The following LRRTM4 variants were observed in gnomAD, a reference collection of about 807,000 sequenced individuals.
The protein encoded by LRRTM4 is leucine-rich repeat transmembrane neuronal protein 4.
LRRTM4 carries 25 observed loss-of-function variants against 47.6 expected under a neutral mutation model. That is an observed-to-expected ratio of 0.53 (90% CI 0.38 to 0.73). LRRTM4 has a LOEUF of 0.73. Ranked by LOEUF, LRRTM4 falls within the 30% of genes least tolerant of loss-of-function variation. LRRTM4 has a pLI of 0.00. For missense variants in LRRTM4, 638 were observed against 713.4 expected, an observed-to-expected ratio of 0.89 and a Z score of 1.20; for synonymous variants, 311 against 269.5, an observed-to-expected ratio of 1.15 and a Z score of -1.51.
chr2:76,984,696 G>A (rs1247436384), intron 3 of LRRTM4, among the ~76,000 whole-genome samples: 2 of 151,976 alleles, frequency 1.3e-5, no homozygotes, highest in South Asian at 2.1e-4. Flanking sequence ...AAACACTGGA[G>A]ATATGATGGA....
At chr2:76,991,464 T>C (rs1243895100) in intron 3 of LRRTM4, among the ~76,000 whole-genome samples, 3 of 151,614 alleles carry the variant, frequency 2.0e-5, no homozygotes, top group African/African-American at 4.8e-5. Flanking sequence ...ACAACTTATG[T>C]GACAGAAATA....
At chr2:77,103,771 A>G (rs1237602162) in intron 3 of LRRTM4, among the ~76,000 whole-genome samples, 1 of 151,264 alleles carries the variant, frequency 6.6e-6, no homozygotes, top group Non-Finnish European at 1.5e-5. Context: ...TTCAAAGGGA[A>G]AGGTTGCCCT....
chr2:76,756,953 TTTA>T (rs2104069873), intron 3 of LRRTM4, among the ~76,000 whole-genome samples: 1 of 152,302 alleles, frequency 6.6e-6, no homozygotes, highest in East Asian at 1.9e-4. Context: ...ATACCCTTTC[TTTA>T]TTTTGTTTTG....
At chr2:76,774,037 C>A (rs1036428644) in intron 3 of LRRTM4, among the ~76,000 whole-genome samples, 2 of 152,058 alleles carry the variant, frequency 1.3e-5, no homozygotes, top group African/African-American at 2.4e-5. Context: ...CCATATATAT[C>A]TTTTGACTAC....
At chr2:76,877,735 G>T (rs1376976791) in intron 3 of LRRTM4, among the ~76,000 whole-genome samples, 1 of 152,070 alleles carries the variant, frequency 6.6e-6, no homozygotes, top group East Asian at 1.9e-4. Flanking sequence ...TAATAAAAAG[G>T]AAACAACTGA....
chr2:77,101,736 T>C (rs559783521), intron 3 of LRRTM4, among the ~76,000 whole-genome samples: 1 of 152,194 alleles, frequency 6.6e-6, no homozygotes, highest in South Asian at 2.1e-4. Flanking sequence ...TTAGACTAAT[T>C]TGGAAACTGA....
intron 3 of LRRTM4, among the ~76,000 whole-genome samples, chr2:76,898,378 G>A (rs1573276849): frequency 6.7e-6 from 1 of 148,172 alleles, no homozygotes; most frequent in Non-Finnish European, 1.5e-5. Context: ...TGATTTCTTT[G>A]CTTCAATAAA....
Position 76,975,403 on chromosome 2 carries a change from CTTAT to C in LRRTM4, c.1552-226491_1552-226488del, listed in dbSNP as rs34131318. ...ATTCTTCTGGCTTAATCATAAGAGA[CTTAT>C]TTATTTATTTATTTATTTATTATTT... On this transcript the variant is annotated intron_variant, in intron 3 of 3. Transcript: ENST00000409884. 6.0e-3 allele frequency among the ~76,000 whole-genome samples: 896 copies of C among 149,312 alleles called. 4 individuals carry two copies. Among genetic ancestry groups the C allele is most frequent in the African/African-American group, 0.015 (625 of 40,426 alleles).
chr2:77,160,903 A>G (rs1185087348), intron 3 of LRRTM4, among the ~76,000 whole-genome samples: 1 of 152,190 alleles, frequency 6.6e-6, no homozygotes, highest in African/African-American at 2.4e-5. Flanking sequence ...TCATTATATG[A>G]TATGTGACAA....
At chr2:77,185,321 C>T (rs1297904775) in intron 3 of LRRTM4, among the ~76,000 whole-genome samples, 3 of 152,088 alleles carry the variant, frequency 2.0e-5, no homozygotes, top group South Asian at 2.1e-4. Flanking sequence ...AGCAATCCCA[C>T]TTGGCCATAG....
At chr2:76,959,304 T>C (rs1010859546) in intron 3 of LRRTM4, among the ~76,000 whole-genome samples, 5 of 151,590 alleles carry the variant, frequency 3.3e-5, no homozygotes, top group Non-Finnish European at 5.9e-5. Flanking sequence ...ATTTTGAATA[T>C]AGGGACCTAG....
chr2:77,419,996 T>A (rs1320134802), intron 3 of LRRTM4, among the ~76,000 whole-genome samples: 2 of 152,296 alleles, frequency 1.3e-5, no homozygotes, highest in African/African-American at 4.8e-5. Flanking sequence ...TAACTGAGTG[T>A]CTGCACTTGA....
chr2:77,434,174 G>C (rs895904281), intron 3 of LRRTM4, among the ~76,000 whole-genome samples: 19 of 151,922 alleles, frequency 1.3e-4, no homozygotes, highest in Non-Finnish European at 8.8e-5. Flanking sequence ...TGTAGAGAGT[G>C]ACATCAGCGT....
At chr2:77,470,229 A>C (rs947698642) in intron 3 of LRRTM4, among the ~76,000 whole-genome samples, 1 of 152,178 alleles carries the variant, frequency 6.6e-6, no homozygotes, top group Non-Finnish European at 1.5e-5. Flanking sequence ...AGAATATTTC[A>C]TTCCAAATAG....
At chr2:76,815,389 T>C (rs1355831066) in intron 3 of LRRTM4, among the ~76,000 whole-genome samples, 1 of 152,106 alleles carries the variant, frequency 6.6e-6, no homozygotes, top group Non-Finnish European at 1.5e-5. Context: ...AATGAGAACG[T>C]CCTGCATTTG....
At chr2:77,482,919 A>C (rs1167438172) in intron 3 of LRRTM4, among the ~76,000 whole-genome samples, 1 of 151,676 alleles carries the variant, frequency 6.6e-6, no homozygotes, top group Non-Finnish European at 1.5e-5. Context: ...TCAGAAGTTT[A>C]AGACCATCCT....
chr2:77,146,310 TAACACTGTATTTCC>T (rs1462522176), intron 3 of LRRTM4, among the ~76,000 whole-genome samples: 1 of 152,168 alleles, frequency 6.6e-6, no homozygotes, highest in Non-Finnish European at 1.5e-5. Flanking sequence ...AATTATTTTC[TAACACTGTATTTCC>T]AACAATCTTA....
At chr2:77,419,007 T>C (rs926982088) in intron 3 of LRRTM4, among the ~76,000 whole-genome samples, 2 of 152,216 alleles carry the variant, frequency 1.3e-5, no homozygotes, top group African/African-American at 4.8e-5. Context: ...TATATGTTTC[T>C]GCTAGATTAT....
chr2:77,135,955 T>A (rs755923270), intron 3 of LRRTM4, among the ~76,000 whole-genome samples: 10 of 151,900 alleles, frequency 6.6e-5, no homozygotes, highest in Non-Finnish European at 8.8e-5. Flanking sequence ...CATATTACTA[T>A]CAAACATTAA....
Sources: allele counts gnomAD v4.1 joint callset (sites outside exome capture counted in the v4.1 genomes callset), GRCh38; gene constraint gnomAD v4.1.1; transcripts MANE v1.5; gene names NCBI Gene and HGNC (gene_info 2026-07-23, HGNC 2026-07-21).